The following RNF19A variants were observed in gnomAD, a reference collection of about 807,000 sequenced individuals.
The protein encoded by RNF19A is ring finger protein 19A, RBR E3 ubiquitin protein ligase.
Under a neutral mutation model 75.7 loss-of-function variants are expected in RNF19A, and 32 were observed. The ratio of observed to expected loss-of-function variants is 0.42; its 90% CI spans 0.32 to 0.57. The LOEUF (loss-of-function observed/expected upper bound fraction) is 0.57. Ranked by LOEUF, RNF19A falls within the 20% of genes least tolerant of loss-of-function variation. The pLI is 0.10. For synonymous variants in RNF19A, 335 were observed against 345.2 expected (o/e 0.97, Z 0.33); for missense variants, 782 against 1,036.3 (o/e 0.75, Z 3.37).
rs1208148347 is a variant in RNF19A, at chr8:100,319,839, C to CT, written c.-242-6468dup. On this transcript the variant is annotated intron_variant, in intron 1 of 3. Transcript: ENST00000519527. ...GCCACCGCGTCCAGGCTTTTTTTTTCTTTTTTTTTTTTCGAGATGGAATTT... is the reference window on the plus strand; with the variant it reads ...GCCACCGCGTCCAGGCTTTTTTTTTCTTTTTTTTTTTTTCGAGATGGAATTT... 6.8e-3 allele frequency among the ~76,000 whole-genome samples: 917 copies of CT among 134,070 alleles called. 7 individuals are homozygous for CT. Among genetic ancestry groups the CT allele is most frequent in the Middle Eastern group, 0.047 (11 of 234 alleles). The allele number at this position is 134,070 out of a possible 152,430, so 88.0% of individuals were successfully genotyped here.
Position 100,260,606 on chromosome 8 carries a change from C to G in RNF19A, c.1683-609G>C, listed in dbSNP as rs971837183. On this transcript the variant is annotated intron_variant, in intron 8 of 9. Transcript: ENST00000341084. This position sits in a 1 kb window ranked among gnomAD's most constrained non-coding sequence, Gnocchi z 4.1. The stretch of plus-strand genomic sequence containing the variant: ...TTTTAAAAAGAGGTAGTATATACCA[C>G]TATAACTTAAGAGTTTGTATTTAAA... Among the ~76,000 whole-genome samples, 1 of 152,004 alleles carries G rather than the reference C, an allele frequency of 6.6e-6. No homozygotes were observed. Among genetic ancestry groups the G allele is most frequent in the Non-Finnish European group, 1.5e-5 (1 of 68,018 alleles).
chr8:100,334,663 T>C (rs1275004472), intron 1 of RNF19A, among the ~76,000 whole-genome samples: 1 of 152,206 alleles, frequency 6.6e-6, no homozygotes, highest in African/African-American at 2.4e-5. Flanking sequence ...TAAAGCTCCC[T>C]TGTTGATTCT....
intron 1 of RNF19A, among the ~76,000 whole-genome samples, chr8:100,295,191 A>C (rs1245864443): frequency 1.3e-5 from 2 of 152,242 alleles, no homozygotes; most frequent in Non-Finnish European, 2.9e-5. Context: ...TTTTCTAAGC[A>C]TAATTTTAAA....
intron 1 of RNF19A, among the ~76,000 whole-genome samples, chr8:100,328,418 C>A (rs1822567347): frequency 6.6e-6 from 1 of 151,950 alleles, no homozygotes; most frequent in African/African-American, 2.4e-5. Flanking sequence ...TCTAAGGGGC[C>A]TGGGACAGAG....
rs760645680 is a variant in RNF19A, at chr8:100,259,994, C to T, written c.1686G>A (p.Leu562=). The T allele has an allele frequency of 1.9e-6, 3 of 1,613,358 alleles. No individual in the cohort carries two copies. In the East Asian group the frequency reaches 6.7e-5, roughly 36 times the overall value. The part of the protein sequence containing the change: ...GSAMVNCFNR[L]EVQADVQKER... ...CTTTCTGTACATCTGCTTGTACTTC[C>T]AACCTTAAAGGGGGGTATGAAATCA... is the stretch of plus-strand genomic sequence containing the variant. The change falls in exon 9 of 10, where the codon TTG becomes TTA. Residue 562 remains leucine (L), a synonymous_variant. Coordinates refer to ENST00000341084, the MANE Select transcript of RNF19A (RefSeq NM_183419.4). The surrounding 1 kb of genome is among the most constrained non-coding windows in gnomAD (Gnocchi z 4.5).
rs184398274 is a variant in RNF19A, at chr8:100,276,048, A to G, written c.675-887T>C. 1.0e-3 allele frequency among the ~76,000 whole-genome samples: 152 copies of G among 152,314 alleles called. 1 individual carries two copies. Among genetic ancestry groups the G allele is most frequent in the Admixed American group, 1.8e-3 (27 of 15,302 alleles). On this transcript the variant is annotated intron_variant, in intron 2 of 9. Coordinates refer to ENST00000341084, the MANE Select transcript of RNF19A (RefSeq NM_183419.4). The stretch of plus-strand genomic sequence containing the variant: ...AGCAGGAATACCTTTCTCCGAGTTA[A>G]TATTTCTGACACTTTAAAAACTTAT...
In RNF19A at chr8:100,324,646, C is replaced by T. The variant is rs2439456; in HGVS notation, c.-242-11274G>A. ...TACATTTGCATTGATTTTTCACAAA[C>T]GAAGAATTTCCAACCTGAGAAACCT... On this transcript the variant is annotated intron_variant, in intron 1 of 3. Coordinates refer to the RNF19A transcript ENST00000519527. This position sits in a 1 kb window ranked among gnomAD's most constrained non-coding sequence, Gnocchi z 4.2. Among the ~76,000 whole-genome samples, 69,482 of 151,908 alleles carry T rather than the reference C, an allele frequency of 0.46. 16,856 individuals carry two copies. Among genetic ancestry groups the T allele is most frequent in the African/African-American group, 0.64 (26,372 of 41,436 alleles).
At chr8:100,263,857 C>A (rs1436572709) in intron 7 of RNF19A, among the ~76,000 whole-genome samples, 177 bp downstream of exon 7, 1 of 152,140 alleles carries the variant, frequency 6.6e-6, no homozygotes, top group African/African-American at 2.4e-5. Flanking sequence ...ATTACCCCCA[C>A]CTCTTTCATC....
chr8:100,285,315 A>T (rs1563850294), intron 2 of RNF19A, among the ~76,000 whole-genome samples: 1 of 152,174 alleles, frequency 6.6e-6, no homozygotes, highest in Non-Finnish European at 1.5e-5. Flanking sequence ...TATTGGTGAC[A>T]ATCTAATGTT....
At chr8:100,295,967 A>C (rs1277191568) in intron 1 of RNF19A, among the ~76,000 whole-genome samples, 1 of 152,240 alleles carries the variant, frequency 6.6e-6, no homozygotes, top group Non-Finnish European at 1.5e-5. Context: ...ATCTATGCTT[A>C]CTTATAAGAC....
At position 100,259,324 on chromosome 8, in the gene RNF19A, G is replaced by T; in HGVS notation, c.1827-78C>A. The T allele has an allele frequency of 2.5e-6, 3 of 1,204,972 alleles. No individual in the cohort carries two copies. Among genetic ancestry groups the T allele is most frequent in the Non-Finnish European group, 2.3e-6 (2 of 856,942 alleles). 74.6% of individuals were successfully genotyped at this position (1,204,972 alleles called of 1,614,324 possible). On this transcript the variant is annotated intron_variant, in intron 9 of 9. Coordinates refer to ENST00000341084, the MANE Select transcript of RNF19A (RefSeq NM_183419.4). This position sits in a 1 kb window ranked among gnomAD's most constrained non-coding sequence, Gnocchi z 4.5. ...AGATGACTGGGGGAAGGGTTTCTAT[G>T]TGGAAAATTCAGACTATATATAAGC...
chr8:100,282,922 G>C (rs1820847600), intron 2 of RNF19A, among the ~76,000 whole-genome samples: 1 of 152,010 alleles, frequency 6.6e-6, no homozygotes, highest in African/African-American at 2.4e-5. Flanking sequence ...TAGCAAACCA[G>C]CTTGAAGCTT....
In RNF19A at chr8:100,325,779, A is replaced by ACG. The variant is rs1822526045; in HGVS notation, c.-243+10328_-243+10329insCG. Among the ~76,000 whole-genome samples the ACG allele has an allele frequency of 6.6e-6, 1 of 152,110 alleles. No homozygotes were observed. Among genetic ancestry groups the ACG allele is most frequent in the Non-Finnish European group, 1.5e-5 (1 of 68,004 alleles). Reference sequence around the variant, plus strand: ...GTGAGTATGTATTACACACACACACACACATTTATATCCATAAAATCTAAG... The same window carrying ACG: ...GTGAGTATGTATTACACACACACACACGCACATTTATATCCATAAAATCTAAG... On this transcript the variant is annotated intron_variant, in intron 1 of 3. Coordinates refer to the RNF19A transcript ENST00000519527. This position sits in a 1 kb window ranked among gnomAD's most constrained non-coding sequence, Gnocchi z 4.3.
At chr8:100,285,194 C>T (rs920732641) in intron 2 of RNF19A, among the ~76,000 whole-genome samples, 1 of 152,094 alleles carries the variant, frequency 6.6e-6, no homozygotes, top group African/African-American at 2.4e-5. Context: ...AATGTGTGTT[C>T]AATTTTAATA....
Position 100,261,810 on chromosome 8 carries a change from T to C in RNF19A, c.1469-55A>G, listed in dbSNP as rs1819732543. 1.6e-5 allele frequency: 25 copies of C among 1,529,744 alleles called. No homozygotes were observed. The highest frequency in any genetic ancestry group is 2.1e-5 in the Non-Finnish European group (23 of 1,103,486). 94.8% of individuals were successfully genotyped at this position (1,529,744 alleles called of 1,614,324 possible). A position where few individuals can be genotyped will look rare whatever the true frequency, so the allele number is the denominator to read the frequency against. ...TAAGTATGATTATCAATTTTCTCCT[T>C]CTTAAATTCCTCCATGATTTCAGAG... On this transcript the variant is annotated intron_variant, in intron 7 of 9. Coordinates refer to ENST00000341084, the MANE Select transcript of RNF19A (RefSeq NM_183419.4). This position sits in a 1 kb window ranked among gnomAD's most constrained non-coding sequence, Gnocchi z 4.4.
Position 100,257,754 on chromosome 8 carries a change from G to T in RNF19A, c.*802C>A, listed in dbSNP as rs533896478. On this transcript the variant is annotated 3_prime_UTR_variant, in exon 10 of 10. Transcript: ENST00000341084. ...CATTAAAACCCAGTCGATCCCAAAG[G>T]CACCAAGAATCAATGGGGTACAAAC... is the stretch of plus-strand genomic sequence containing the variant. The T allele has an allele frequency of 5.7e-6, 2 of 351,722 alleles. No individual in the cohort carries two copies. The highest frequency in any genetic ancestry group is 1.0e-5 in the Non-Finnish European group (2 of 197,086). 21.8% of individuals were successfully genotyped at this position (351,722 alleles called of 1,614,324 possible).
chr8:100,335,440 A>G (rs1822666876), intron 1 of RNF19A, among the ~76,000 whole-genome samples: 1 of 152,248 alleles, frequency 6.6e-6, no homozygotes, highest in Admixed American at 6.5e-5. Flanking sequence ...CTACTCAACA[A>G]CTTCCTAGTT....
At chr8:100,314,891 A>G (rs755069200), upstream of RNF19A, among the ~76,000 whole-genome samples, 2 of 152,310 alleles carry the variant, frequency 1.3e-5, no homozygotes, top group Non-Finnish European at 2.9e-5. This position sits in a 1 kb window ranked among gnomAD's most constrained non-coding sequence, Gnocchi z 4.1. Context: ...AGAAAGAGGA[A>G]GCAGGCACAG....
chr8:100,268,863 A>T lies in RNF19A; in HGVS notation c.1113T>A (p.Ala371=). 1 of 1,605,770 alleles carries T rather than the reference A, an allele frequency of 6.2e-7. No homozygotes were observed. The highest frequency in any genetic ancestry group is 8.5e-7 in the Non-Finnish European group (1 of 1,175,064). Reference sequence around the variant, plus strand: ...CAGCTATTAAAGCGATTCCGACAGGAGCACCAACCAGTGTTCCCAGTTGCC... The same window carrying T: ...CAGCTATTAAAGCGATTCCGACAGGTGCACCAACCAGTGTTCCCAGTTGCC... ...ILWQLGTLVG[A]PVGIALIAGI... Residue 371 remains alanine, a synonymous_variant, in exon 5 of 10, where the codon GCT becomes GCA. Coordinates refer to ENST00000341084, the MANE Select transcript of RNF19A (RefSeq NM_183419.4).
Sources: allele counts gnomAD v4.1 joint callset (sites outside exome capture counted in the v4.1 genomes callset), GRCh38; gene constraint gnomAD v4.1.1; non-coding constraint Gnocchi (gnomAD v3.1); transcripts MANE v1.5; gene names NCBI Gene and HGNC (gene_info 2026-07-23, HGNC 2026-07-21).